Variants in MRPS27 observed in about 807,000 individuals in gnomAD.
MRPS27 encodes the protein small ribosomal subunit protein mS27.
In MRPS27, 43 loss-of-function variants were observed where a neutral mutation model predicts 48.9. That is an observed-to-expected ratio of 0.88 (90% CI 0.69 to 1.13). MRPS27 has a LOEUF of 1.13. MRPS27 is among the 50% of genes most tolerant of loss of function. The probability of loss-of-function intolerance (pLI) is 0.00; values close to 1 mark genes in which losing one functional copy is unlikely to be tolerated. For synonymous variants in MRPS27, 188 were observed against 171.9 expected (o/e 1.09, Z -0.73); for missense variants, 467 against 476.3 (o/e 0.98, Z 0.18).
chr5:72,314,064 G>T lies in MRPS27; in HGVS notation c.151+17C>A, dbSNP rs372854564. ...GTGACCGAAAATGACACATATAATA[G>T]TCCAATAGGTACCTACCAAGACAGT... On this transcript the variant is annotated intron_variant, in intron 2 of 10. Transcript: ENST00000261413. 2 of 1,594,698 alleles carry T rather than the reference G, an allele frequency of 1.3e-6. 1 individual carries two copies. The highest frequency in any genetic ancestry group is 2.2e-5 in the South Asian group (2 of 90,242).
chr5:72,310,341 G>A (rs1017793062), intron 2 of MRPS27, among the ~76,000 whole-genome samples: 2 of 152,036 alleles, frequency 1.3e-5, no homozygotes, highest in Non-Finnish European at 2.9e-5. Context: ...GGCTAGGCCA[G>A]GAAGGGTACA....
intron 4 of MRPS27, among the ~76,000 whole-genome samples, chr5:72,287,136 T>C (rs1276381269): frequency 1.3e-5 from 2 of 152,052 alleles, no homozygotes; most frequent in Admixed American, 1.3e-4. Context: ...CTAGGTTGCA[T>C]GCTCCTTATG....
intron 2 of MRPS27, among the ~76,000 whole-genome samples, chr5:72,310,153 G>GTATA (rs1750404988): frequency 6.6e-6 from 1 of 152,228 alleles, no homozygotes. Flanking sequence ...ATATGCATAT[G>GTATA]TGTACATGTA....
intron 4 of MRPS27, among the ~76,000 whole-genome samples, chr5:72,255,255 T>C (rs1027579811): frequency 9.2e-5 from 14 of 152,080 alleles, no homozygotes; most frequent in Non-Finnish European, 1.8e-4. Flanking sequence ...TTCTCCATGA[T>C]GGCCAGGTTG....
At chr5:72,301,326 C>T (rs559763904) in intron 2 of MRPS27, among the ~76,000 whole-genome samples, 45 of 152,322 alleles carry the variant, frequency 3.0e-4, no homozygotes, top group Admixed American at 1.5e-3. Flanking sequence ...ACCCCCTTCA[C>T]ACTAAGGCAA....
rs1387259516 is a variant in MRPS27, at chr5:72,220,772, C to T, written c.*137G>A. On this transcript the variant is annotated 3_prime_UTR_variant, in exon 11 of 11. Coordinates refer to ENST00000261413, the MANE Select transcript of MRPS27 (RefSeq NM_015084.3). ...CTCGATGGGCAGTCATGGTGCCTTG[C>T]CATGTAGGGCACATAGCCTGCTTTA... 9.3e-6 allele frequency: 12 copies of T among 1,285,982 alleles called. No individual in the cohort carries two copies. Among genetic ancestry groups the T allele is most frequent in the Non-Finnish European group, 1.3e-5 (12 of 929,440 alleles). The allele number at this position is 1,285,982 out of a possible 1,614,324, so 79.7% of individuals were successfully genotyped here.
Position 72,232,562 on chromosome 5 carries a change from G to A in MRPS27, c.476-4C>T. The A allele has an allele frequency of 6.3e-7, 1 of 1,590,582 alleles. No homozygotes were observed. Among genetic ancestry groups the A allele is most frequent in the Non-Finnish European group, 8.6e-7 (1 of 1,165,918 alleles). ...TCAAAAACCACAGATAAAGCATCTA[G>A]CAGAAGATGAAAGTAAAAAAGAGAG... is the stretch of plus-strand genomic sequence containing the variant. On this transcript the variant is annotated splice_region_variant and splice_polypyrimidine_tract_variant and intron_variant, in intron 6 of 10. Transcript: ENST00000261413.
At chr5:72,304,203 A>G (rs575788745) in intron 2 of MRPS27, among the ~76,000 whole-genome samples, 167 of 152,278 alleles carry the variant, frequency 1.1e-3, no homozygotes, top group African/African-American at 3.9e-3. Flanking sequence ...CTAAAAAAGT[A>G]GAGGATATAA....
chr5:72,297,070 A>G (rs929940049), intron 3 of MRPS27, among the ~76,000 whole-genome samples: 8 of 152,214 alleles, frequency 5.3e-5, no homozygotes, highest in Non-Finnish European at 1.5e-5. Flanking sequence ...TTATTAAACC[A>G]TGTCTTACAT....
At chr5:72,238,213 T>A (rs1748256153) in intron 4 of MRPS27, 85 bp from the exon 5 acceptor site, 1 of 863,906 alleles carries the variant, frequency 1.2e-6, no homozygotes, top group South Asian at 1.5e-5. Flanking sequence ...TTCTCTTAGA[T>A]ACTTACAGAG....
At chr5:72,299,475 G>C (rs563587122) in intron 2 of MRPS27, among the ~76,000 whole-genome samples, 1 of 152,190 alleles carries the variant, frequency 6.6e-6, no homozygotes, top group East Asian at 1.9e-4. Flanking sequence ...CATTGCTTAC[G>C]CATTTATTCC....
chr5:72,308,728 A>C (rs917115117), intron 2 of MRPS27, among the ~76,000 whole-genome samples: 1 of 152,238 alleles, frequency 6.6e-6, no homozygotes, highest in Non-Finnish European at 1.5e-5. Flanking sequence ...GTAAAACCGA[A>C]AACAATGTCC....
intron 8 of MRPS27, chr5:72,227,045 T>C (rs1230382498): frequency 1.3e-5 from 2 of 152,308 alleles, no homozygotes; most frequent in Non-Finnish European, 2.9e-5. Flanking sequence ...CAGCTAATTT[T>C]AGACCTTTAA....
chr5:72,257,059 G>A (rs761481700), intron 4 of MRPS27, among the ~76,000 whole-genome samples: 3 of 152,104 alleles, frequency 2.0e-5, no homozygotes, highest in Non-Finnish European at 4.4e-5. Context: ...CTGACAGGAA[G>A]GAGAATCAAA....
intron 10 of MRPS27, 73 bp downstream of exon 10, chr5:72,223,610 T>C: frequency 6.6e-7 from 1 of 1,524,628 alleles, no homozygotes; most frequent in Non-Finnish European, 9.0e-7. Context: ...GCAGAAAGAA[T>C]GCTTATCCAT....
intron 10 of MRPS27, among the ~76,000 whole-genome samples, chr5:72,221,693 C>T (rs747951677): frequency 1.3e-5 from 2 of 152,346 alleles, no homozygotes; most frequent in Non-Finnish European, 2.9e-5. Flanking sequence ...CAAGTATTTG[C>T]CTTTCTGGCA....
intron 4 of MRPS27, among the ~76,000 whole-genome samples, chr5:72,265,041 G>A (rs1217399315): frequency 3.3e-5 from 5 of 152,116 alleles, no homozygotes; most frequent in African/African-American, 7.2e-5. Flanking sequence ...CTAACCTTGC[G>A]GCTTAAGGCA....
chr5:72,271,226 T>C (rs1249685814), intron 4 of MRPS27, among the ~76,000 whole-genome samples: 1 of 152,126 alleles, frequency 6.6e-6, no homozygotes, highest in Non-Finnish European at 1.5e-5. Flanking sequence ...GTTGGATATG[T>C]AGGAAACACG....
At chr5:72,252,587 CTAA>C (rs1479109031) in intron 4 of MRPS27, among the ~76,000 whole-genome samples, 2 of 152,154 alleles carry the variant, frequency 1.3e-5, no homozygotes. Context: ...CACAGTGAAC[CTAA>C]CACAGGTGGT....
Sources: gnomAD v4.1 joint callset for allele counts (sites outside exome capture counted in the v4.1 genomes callset) on GRCh38, gnomAD v4.1.1 for gene constraint, MANE v1.5 for transcripts, NCBI Gene and HGNC (gene_info 2026-07-23, HGNC 2026-07-21) for gene names.